The following FSD1L variants were observed in gnomAD, a reference collection of about 807,000 sequenced individuals.
The protein encoded by FSD1L is fibronectin type III and SPRY domain containing 1 like.
Under a neutral mutation model 71.6 loss-of-function variants are expected in FSD1L, and 45 were observed. The observed-to-expected ratio is 0.63, with a 90% CI of 0.49 to 0.81. The LOEUF is 0.81. Among genes scored for constraint, FSD1L ranks in the 30% least tolerant of loss-of-function variants. The pLI, the probability that FSD1L is intolerant of heterozygous loss-of-function variation, is 0.00. For synonymous variants in FSD1L, 197 were observed against 207.2 expected, an observed-to-expected ratio of 0.95 and a Z score of 0.42; for missense variants, 561 against 618.1, an observed-to-expected ratio of 0.91 and a Z score of 0.98.
rs189351075 is a variant in FSD1L, at chr9:105,549,773, A to G, written c.*3290A>G. The G allele has an allele frequency of 6.6e-6, 1 of 152,154 alleles. No homozygotes were observed. Among genetic ancestry groups the G allele is most frequent in the African/African-American group, 2.4e-5 (1 of 41,560 alleles). 9.4% of individuals were successfully genotyped at this position (152,154 alleles called of 1,614,324 possible). On this transcript the variant is annotated 3_prime_UTR_variant, in exon 14 of 14. Transcript: ENST00000481272. The stretch of plus-strand genomic sequence containing the variant: ...AATGGAATCTTTTAATTAGGCTAAG[A>G]TATGCTATTTCATAACTTATGTAGA...
At chr9:105,528,177 G>A (rs1029304732) in intron 10 of FSD1L, among the ~76,000 whole-genome samples, 1 of 152,176 alleles carries the variant, frequency 6.6e-6, no homozygotes, top group African/African-American at 2.4e-5. Flanking sequence ...CATGCTCATG[G>A]ATAGGAATAA....
intron 10 of FSD1L, chr9:105,520,200 C>T (rs1463910706): frequency 6.2e-7 from 1 of 1,611,528 alleles, no homozygotes; most frequent in Non-Finnish European, 8.5e-7. Flanking sequence ...GAAGGACGCA[C>T]TGACTCGCCT....
chr9:105,481,040 T>C (rs2131688861), intron 6 of FSD1L, among the ~76,000 whole-genome samples: 1 of 152,192 alleles, frequency 6.6e-6, no homozygotes, highest in South Asian at 2.1e-4. Flanking sequence ...AATGGCTGTA[T>C]TCTTCACTGA....
chr9:105,534,824 C>T (rs1291275562), intron 11 of FSD1L, among the ~76,000 whole-genome samples: 2 of 151,878 alleles, frequency 1.3e-5, no homozygotes, highest in South Asian at 2.1e-4. Flanking sequence ...ATATATAAGC[C>T]GGGAGGGGGG....
intron 13 of FSD1L, 132 bp from the exon 14 acceptor site, chr9:105,546,226 A>G: frequency 1.3e-6 from 1 of 774,314 alleles, no homozygotes; most frequent in Non-Finnish European, 1.9e-6. Context: ...CTCAGCTGAA[A>G]TATGACAGTT....
At chr9:105,487,368 T>C (rs890348879) in intron 7 of FSD1L, among the ~76,000 whole-genome samples, 4 of 152,000 alleles carry the variant, frequency 2.6e-5, no homozygotes, top group Non-Finnish European at 4.4e-5. Context: ...AGTTTATATG[T>C]ACTGGAAAAT....
chr9:105,515,524 C>T (rs138971225), intron 10 of FSD1L, among the ~76,000 whole-genome samples: 224 of 152,226 alleles, frequency 1.5e-3, no homozygotes, highest in African/African-American at 4.7e-3. Context: ...GGGTGCAGCC[C>T]ATGGAGGGCG....
chr9:105,526,666 A>T, intron 10 of FSD1L, among the ~76,000 whole-genome samples: 1 of 152,212 alleles, frequency 6.6e-6, no homozygotes, highest in Non-Finnish European at 1.5e-5. Context: ...ACTGGATTTA[A>T]ATAATTTTAA....
intron 5 of FSD1L, 27 bp from the exon 6 acceptor site, chr9:105,479,327 T>C: frequency 2.6e-6 from 4 of 1,550,248 alleles, no homozygotes; most frequent in Middle Eastern, 1.7e-4. Flanking sequence ...ACTTGCCTTC[T>C]TTCTCTTCTC....
chr9:105,519,600 C>T lies in FSD1L; in HGVS notation c.1025+6664C>T, dbSNP rs1048952865. ...AAAAGGCCTTTGACAAAATTCAACT[C>T]CCCTTCATGCTAAAAACTCTCAATA... On this transcript the variant is annotated intron_variant, in intron 10 of 13. Transcript: ENST00000481272. Among the ~76,000 whole-genome samples, 5 of 152,330 alleles carry T rather than the reference C, an allele frequency of 3.3e-5. No homozygotes were observed. In the South Asian group the frequency reaches 8.3e-4, roughly 25 times the overall value.
intron 3 of FSD1L, among the ~76,000 whole-genome samples, chr9:105,467,467 T>A (rs571256290): frequency 6.6e-6 from 1 of 152,170 alleles, no homozygotes; most frequent in Non-Finnish European, 1.5e-5. Context: ...GCAGCAAATA[T>A]AGCAATGGGG....
intron 9 of FSD1L, among the ~76,000 whole-genome samples, chr9:105,512,530 A>G (rs1834454037): frequency 6.6e-6 from 1 of 152,140 alleles, no homozygotes; most frequent in African/African-American, 2.4e-5. Flanking sequence ...TTGAGATTTT[A>G]GTAGAATGAA....
chr9:105,539,710 C>T (rs1836487346), intron 13 of FSD1L, among the ~76,000 whole-genome samples: 1 of 152,212 alleles, frequency 6.6e-6, no homozygotes, highest in East Asian at 1.9e-4. Context: ...ACTGTATTGA[C>T]TTTTAATACC....
At chr9:105,524,864 C>T (rs1023769707) in intron 10 of FSD1L, 80 of 1,574,834 alleles carry the variant, frequency 5.1e-5, no homozygotes, top group Middle Eastern at 1.8e-4. Flanking sequence ...GTGAAAATCA[C>T]GACAATCATT....
chr9:105,479,988 TA>T (rs1289147573), intron 6 of FSD1L, among the ~76,000 whole-genome samples: 2 of 152,226 alleles, frequency 1.3e-5, no homozygotes, highest in Non-Finnish European at 2.9e-5. Flanking sequence ...AAAAGGAATT[TA>T]GTACTTGTAA....
chr9:105,463,822 T>C (rs1564082888), intron 2 of FSD1L, among the ~76,000 whole-genome samples: 1 of 152,228 alleles, frequency 6.6e-6, no homozygotes, highest in African/African-American at 2.4e-5. Context: ...TTTTTGTAAA[T>C]AAATAAAATG....
intron 6 of FSD1L, among the ~76,000 whole-genome samples, chr9:105,481,976 T>C (rs1832235703): frequency 6.6e-6 from 1 of 152,064 alleles, no homozygotes; most frequent in Admixed American, 6.6e-5. Context: ...GGTTTCGCCA[T>C]GTTGCCTAGG....
intron 2 of FSD1L, among the ~76,000 whole-genome samples, chr9:105,463,266 A>G (rs1375131815): frequency 1.3e-5 from 2 of 152,234 alleles, no homozygotes; most frequent in Non-Finnish European, 2.9e-5. Context: ...AAAGTCTTAT[A>G]GGCTTTATTA....
At chr9:105,479,164 T>G (rs1438619459) in intron 5 of FSD1L, among the ~76,000 whole-genome samples, 190 bp from the exon 6 acceptor site, 1 of 152,246 alleles carries the variant, frequency 6.6e-6, no homozygotes, top group African/African-American at 2.4e-5. Context: ...GATTTTCTAC[T>G]ATAATTCTAA....
Sources: gnomAD v4.1 joint callset for allele counts (sites outside exome capture counted in the v4.1 genomes callset) on GRCh38, gnomAD v4.1.1 for gene constraint, MANE v1.5 for transcripts, NCBI Gene and HGNC (gene_info 2026-07-23, HGNC 2026-07-21) for gene names.